The following MOBP variants were observed in gnomAD, a reference collection of about 807,000 sequenced individuals.
The protein encoded by MOBP is myelin-associated oligodendrocyte basic protein.
MOBP carries 5 observed loss-of-function variants against 15.0 expected under a neutral mutation model. The observed-to-expected ratio is 0.33, with a 90% CI of 0.17 to 0.70. MOBP has a LOEUF of 0.70. MOBP is among the 30% of genes least tolerant of loss of function. The pLI, the probability that MOBP is intolerant of heterozygous loss-of-function variation, is 0.67. For synonymous variants in MOBP, 88 were observed against 99.0 expected (o/e 0.89, Z 0.66); for missense variants, 188 against 257.8 (o/e 0.73, Z 1.85).
At chr3:39,510,291 T>G (rs987056333) in intron 4 of MOBP, among the ~76,000 whole-genome samples, 3 of 152,104 alleles carry the variant, frequency 2.0e-5, no homozygotes, top group Non-Finnish European at 4.4e-5. Context: ...TTAAAAAAAT[T>G]GTTCTGGTAA....
chr3:39,516,209 G>A (rs2043199363), downstream of MOBP, among the ~76,000 whole-genome samples: 1 of 152,218 alleles, frequency 6.6e-6, no homozygotes, highest in Non-Finnish European at 1.5e-5. Flanking sequence ...CACGAAGGAA[G>A]GCAGAGGAGT....
At chr3:39,512,978 A>G (rs2043139006) in intron 4 of MOBP, among the ~76,000 whole-genome samples, 1 of 152,234 alleles carries the variant, frequency 6.6e-6, no homozygotes, top group Admixed American at 6.5e-5. Context: ...CAGTATGTTC[A>G]CAATTTTATA....
chr3:39,491,012 C>T (rs933248715), intron 2 of MOBP, among the ~76,000 whole-genome samples: 1 of 152,124 alleles, frequency 6.6e-6, no homozygotes, highest in Non-Finnish European at 1.5e-5. Flanking sequence ...GTCTTTTCTA[C>T]TTTGTGAATT....
At chr3:39,471,041 A>G (rs547914790) in intron 1 of MOBP, among the ~76,000 whole-genome samples, 1 of 152,304 alleles carries the variant, frequency 6.6e-6, no homozygotes, top group South Asian at 2.1e-4. Flanking sequence ...CTTGTGCTGA[A>G]TGAGGGTGGC....
chr3:39,505,261 G>T (rs1013880234), downstream of MOBP, among the ~76,000 whole-genome samples: 1 of 152,168 alleles, frequency 6.6e-6, no homozygotes, highest in Non-Finnish European at 1.5e-5. Flanking sequence ...TTAATTTGGA[G>T]TCAATCAGTC....
intron 2 of MOBP, among the ~76,000 whole-genome samples, chr3:39,494,622 T>G (rs1269157024): frequency 6.6e-6 from 1 of 152,186 alleles, no homozygotes; most frequent in Non-Finnish European, 1.5e-5. Flanking sequence ...TCATCAGAGA[T>G]ACACAGTGAG....
At chr3:39,517,003 C>T (rs2043212715), downstream of MOBP, among the ~76,000 whole-genome samples, 1 of 152,128 alleles carries the variant, frequency 6.6e-6, no homozygotes, top group Admixed American at 6.5e-5. Context: ...GGAGGGCTTC[C>T]TGCCTGACTC....
At chr3:39,513,538 T>G in exon 5 of MOBP, 1 of 1,073,106 alleles carries the variant, frequency 9.3e-7, no homozygotes, top group Non-Finnish European at 1.4e-6. Flanking sequence ...GGCAAACACC[T>G]GCTGATGTGG....
At chr3:39,501,798 T>TA in intron 2 of MOBP, among the ~76,000 whole-genome samples, 1 of 152,208 alleles carries the variant, frequency 6.6e-6, no homozygotes, top group Admixed American at 6.5e-5. Context: ...CATGGGTCTC[T>TA]AAAACATAAG....
intron 2 of MOBP, among the ~76,000 whole-genome samples, chr3:39,501,296 A>G (rs1202307569): frequency 2.0e-5 from 3 of 152,238 alleles, no homozygotes; most frequent in Non-Finnish European, 4.4e-5. Flanking sequence ...GTTTATGCCC[A>G]TTAACTAAGT....
intron 1 of MOBP, among the ~76,000 whole-genome samples, chr3:39,472,320 C>A (rs1411842084): frequency 1.3e-5 from 2 of 152,096 alleles, no homozygotes; most frequent in Non-Finnish European, 2.9e-5. Context: ...ATTGTATGAT[C>A]TTTGTAGTAC....
chr3:39,520,558 A>G (rs1398661), downstream of MOBP, among the ~76,000 whole-genome samples: 42,671 of 112,172 alleles, frequency 0.38, 7,662 homozygotes, highest in African/African-American at 0.59. Context: ...GTGTGTGTGT[A>G]TGTGTGTGTG....
intron 3 of MOBP, among the ~76,000 whole-genome samples, chr3:39,522,084 T>G (rs991331140): frequency 6.6e-6 from 1 of 152,112 alleles, no homozygotes; most frequent in Non-Finnish European, 1.5e-5. Flanking sequence ...GGAGAGGTGG[T>G]ATGTAAGGTG....
At chr3:39,469,072 A>ATG (rs748930663) in intron 1 of MOBP, among the ~76,000 whole-genome samples, 1 of 29,798 alleles carries the variant, frequency 3.4e-5, no homozygotes, top group Non-Finnish European at 6.2e-5. Flanking sequence ...ATATATACAT[A>ATG]TGTGTGTGTG....
At chr3:39,506,560 G>GGA (rs2043050560), downstream of MOBP, among the ~76,000 whole-genome samples, 1 of 152,208 alleles carries the variant, frequency 6.6e-6, no homozygotes, top group Non-Finnish European at 1.5e-5. Context: ...AGACATGTGC[G>GGA]TCAGTTATCT....
chr3:39,487,814 G>A (rs774197438), intron 2 of MOBP, among the ~76,000 whole-genome samples: 9 of 152,030 alleles, frequency 5.9e-5, no homozygotes, highest in South Asian at 2.1e-4. Flanking sequence ...GAGCCACCGC[G>A]CCCGGCCCCA....
downstream of MOBP, among the ~76,000 whole-genome samples, chr3:39,517,001 T>G (rs1329663555): frequency 6.6e-6 from 1 of 152,148 alleles, no homozygotes; most frequent in Non-Finnish European, 1.5e-5. Context: ...TGGGAGGGCT[T>G]CCTGCCTGAC....
downstream of MOBP, chr3:39,528,835 G>C (rs2043361174): frequency 6.6e-6 from 1 of 152,270 alleles, no homozygotes; most frequent in Non-Finnish European, 1.5e-5. Flanking sequence ...AGCAGCAGCT[G>C]CACAGAGTAG....
chr3:39,494,072 A>G (rs2042839314), intron 2 of MOBP, among the ~76,000 whole-genome samples: 1 of 152,186 alleles, frequency 6.6e-6, no homozygotes, highest in South Asian at 2.1e-4. Flanking sequence ...ATATAGATTA[A>G]ACAAGGCATA....
Sources: allele counts gnomAD v4.1 joint callset (sites outside exome capture counted in the v4.1 genomes callset), GRCh38; gene constraint gnomAD v4.1.1; transcripts MANE v1.5; gene names NCBI Gene and HGNC (gene_info 2026-07-23, HGNC 2026-07-21).